Variants in VDAC1 observed in about 807,000 individuals in gnomAD.
VDAC1 encodes non-selective voltage-gated ion channel VDAC1.
In VDAC1, 10 loss-of-function variants were observed where a neutral mutation model predicts 34.7. The observed-to-expected ratio is 0.29, with a 90% CI of 0.18 to 0.49. The LOEUF (loss-of-function observed/expected upper bound fraction) is 0.49. Among genes scored for constraint, VDAC1 ranks in the 20% least tolerant of loss-of-function variants. The pLI, the probability that VDAC1 is intolerant of heterozygous loss-of-function variation, is 0.99. For synonymous variants in VDAC1, 130 were observed against 136.0 expected (o/e 0.96, Z 0.30); for missense variants, 230 against 347.9 (o/e 0.66, Z 2.69).
the VDAC1 span, among the ~76,000 whole-genome samples, chr5:134,012,644 T>C: frequency 6.6e-6 from 1 of 152,130 alleles, no homozygotes. Flanking sequence ...AGAATCAATA[T>C]CATTAAAATG....
the VDAC1 span, among the ~76,000 whole-genome samples, chr5:134,029,563 T>C: frequency 6.6e-6 from 1 of 152,242 alleles, no homozygotes; most frequent in East Asian, 1.9e-4. Context: ...TGATGGTCAC[T>C]AGGCAAACGT....
chr5:134,081,239 A>T, the VDAC1 span, among the ~76,000 whole-genome samples: 2 of 152,312 alleles, frequency 1.3e-5, no homozygotes, highest in Non-Finnish European at 2.9e-5. Flanking sequence ...GGGTTTCACC[A>T]TGTTGGCCAG....
the VDAC1 span, among the ~76,000 whole-genome samples, chr5:134,068,366 G>T: frequency 1.4e-5 from 2 of 147,540 alleles, no homozygotes; most frequent in African/African-American, 5.0e-5. Flanking sequence ...ATACTCTTCA[G>T]CAATTTTTTC....
At chr5:134,045,904 C>T in the VDAC1 span, among the ~76,000 whole-genome samples, 1 of 151,640 alleles carries the variant, frequency 6.6e-6, no homozygotes, top group South Asian at 2.1e-4. Context: ...AGGCTGGTCT[C>T]GAACTCCCGA....
rs1561578110 is a variant in VDAC1 at position 133,972,087 on chromosome 5, CACCA to C, written c.*680_*683del. 2 of 152,672 alleles carry C rather than the reference CACCA, an allele frequency of 1.3e-5. No homozygotes were observed. The highest frequency in any genetic ancestry group is 2.1e-4 in the South Asian group (1 of 4,832). 9.5% of individuals were successfully genotyped at this position (152,672 alleles called of 1,614,324 possible). A position where few individuals can be genotyped will look rare whatever the true frequency, so the allele number is the denominator to read the frequency against. ...GTCCAATTTAGATTCTGAGTGTTGT[CACCA>C]TGTGATTACAATCACACAGACACTT... On this transcript the variant is annotated 3_prime_UTR_variant, in exon 9 of 9. Transcript: ENST00000265333.
At chr5:134,028,415 G>A in the VDAC1 span, among the ~76,000 whole-genome samples, 1 of 152,234 alleles carries the variant, frequency 6.6e-6, no homozygotes, top group African/African-American at 2.4e-5. Context: ...TTACAGGTGT[G>A]AGCCACTGCA....
intron 8 of VDAC1, 150 bp downstream of exon 8, chr5:133,973,641 T>G (rs1752378165): frequency 1.5e-6 from 1 of 662,422 alleles, no homozygotes; most frequent in Admixed American, 3.2e-5. Flanking sequence ...CCATACTCCT[T>G]TATAAACATT....
Position 133,978,375 on chromosome 5 carries a change from G to C in VDAC1, c.551+2354C>G, listed in dbSNP as rs534975839. Among the ~76,000 whole-genome samples the C allele has an allele frequency of 2.0e-5, 3 of 152,154 alleles. No individual in the cohort carries two copies. In the East Asian group the frequency reaches 5.8e-4, roughly 29 times the overall value. On this transcript the variant is annotated intron_variant, in intron 6 of 8. Transcript: ENST00000265333. ...TGGTCCCAAACTCCTGGCCTCAAGT[G>C]ATCCTCCCGCCTCAGCCTCCCAAGT...
the VDAC1 span, among the ~76,000 whole-genome samples, chr5:134,044,866 CAG>C: frequency 6.6e-6 from 1 of 152,210 alleles, no homozygotes; most frequent in African/African-American, 2.4e-5. Flanking sequence ...GCCTAGAGCT[CAG>C]AGTCTTCAAG....
At chr5:133,993,099 A>G (rs762085715) in intron 1 of VDAC1, 81 bp from the exon 2 acceptor site, 6 of 1,395,516 alleles carry the variant, frequency 4.3e-6, no homozygotes, top group Admixed American at 4.3e-5. Flanking sequence ...ATTAGATGTA[A>G]TTAGCAACCA....
At chr5:133,978,979 C>T (rs1428363535) in intron 6 of VDAC1, among the ~76,000 whole-genome samples, 1 of 152,076 alleles carries the variant, frequency 6.6e-6, no homozygotes, top group Non-Finnish European at 1.5e-5. Flanking sequence ...GAACTCCAGC[C>T]TGGGTGAGAG....
chr5:134,106,351 G>A, the VDAC1 span, among the ~76,000 whole-genome samples: 2 of 151,534 alleles, frequency 1.3e-5, no homozygotes, highest in Admixed American at 6.6e-5. Flanking sequence ...TTCCAACTAC[G>A]TTAAAAACAG....
chr5:134,006,203 A>G (rs1408752660), upstream of VDAC1, among the ~76,000 whole-genome samples: 1 of 152,094 alleles, frequency 6.6e-6, no homozygotes, highest in Non-Finnish European at 1.5e-5. Context: ...GACGGATTCT[A>G]TGACCCTCCC....
At chr5:133,980,599 A>G (rs1334344714) in intron 6 of VDAC1, 130 bp downstream of exon 6, 2 of 798,242 alleles carry the variant, frequency 2.5e-6, no homozygotes, top group Non-Finnish European at 3.9e-6. Flanking sequence ...AATGCCAACA[A>G]ACTCACTTTA....
At chr5:134,068,996 G>GTGTGTT in the VDAC1 span, among the ~76,000 whole-genome samples, 1 of 150,044 alleles carries the variant, frequency 6.7e-6, no homozygotes, top group Non-Finnish European at 1.5e-5. Flanking sequence ...GTGTGTGTGT[G>GTGTGTT]TGTGTGTGTG....
the VDAC1 span, among the ~76,000 whole-genome samples, chr5:134,065,789 ATTT>A: frequency 1.0e-5 from 1 of 99,844 alleles, no homozygotes; most frequent in Admixed American, 1.3e-4. Context: ...CAGATAGTAA[ATTT>A]TTTTTTTTTT....
At chr5:134,028,752 CA>C in the VDAC1 span, among the ~76,000 whole-genome samples, 1 of 152,208 alleles carries the variant, frequency 6.6e-6, no homozygotes, top group East Asian at 1.9e-4. Context: ...TGTGACTGTA[CA>C]TCAGGGATCA....
At chr5:133,995,925 C>T (rs1371035440) in intron 1 of VDAC1, among the ~76,000 whole-genome samples, 1 of 152,208 alleles carries the variant, frequency 6.6e-6, no homozygotes, top group East Asian at 1.9e-4. Flanking sequence ...GGCCCCCACC[C>T]CTCCCAGTCA....
intron 5 of VDAC1, chr5:133,989,047 G>T (rs1017559799): frequency 6.6e-6 from 1 of 152,240 alleles, no homozygotes; most frequent in Non-Finnish European, 1.5e-5. Context: ...AAAAGGCAGT[G>T]CTCTTGCAGG....
Sources: gnomAD v4.1 joint callset for allele counts (sites outside exome capture counted in the v4.1 genomes callset) on GRCh38, gnomAD v4.1.1 for gene constraint, MANE v1.5 for transcripts, NCBI Gene and HGNC (gene_info 2026-07-23, HGNC 2026-07-21) for gene names.